PDE8B: variants seen among roughly 807,000 people sequenced by gnomAD.
PDE8B encodes phosphodiesterase 8B, also known as high affinity cAMP-specific and IBMX-insensitive 3',5'-cyclic phosphodiesterase 8B.
Under a neutral mutation model 101.3 loss-of-function variants are expected in PDE8B, and 26 were observed. The ratio of observed to expected loss-of-function variants is 0.26; its 90% confidence interval spans 0.19 to 0.36. The LOEUF (loss-of-function observed/expected upper bound fraction) is 0.36, where lower values mean the gene tolerates loss of function less well. PDE8B is among the 10% of genes least tolerant of loss of function. The probability of loss-of-function intolerance (pLI) is 1.00; values close to 1 mark genes in which losing one functional copy is unlikely to be tolerated. For synonymous variants in PDE8B, 424 were observed against 429.3 expected, an observed-to-expected ratio of 0.99 and a Z score of 0.15; for missense variants, 810 against 1,163.1, an observed-to-expected ratio of 0.70 and a Z score of 4.42.
chr5:77,307,112 G>A (rs55690689), intron 1 of PDE8B, among the ~76,000 whole-genome samples: 6 of 152,094 alleles, frequency 3.9e-5, no homozygotes, highest in African/African-American at 1.4e-4. Flanking sequence ...TGTCCTCTGA[G>A]GATCTGACCC....
chr5:77,102,915 G>GC, the PDE8B span, among the ~76,000 whole-genome samples: 11 of 152,148 alleles, frequency 7.2e-5, no homozygotes, highest in Middle Eastern at 3.2e-3. Flanking sequence ...CAAGATGCCA[G>GC]CACTCACTTG....
the PDE8B span, among the ~76,000 whole-genome samples, chr5:77,157,903 C>G: frequency 2.0e-5 from 3 of 152,224 alleles, no homozygotes; most frequent in Admixed American, 2.0e-4. Flanking sequence ...TCTCTAGTTA[C>G]TGACTGCCCC....
chr5:77,172,547 A>G, the PDE8B span, among the ~76,000 whole-genome samples: 1 of 152,218 alleles, frequency 6.6e-6, no homozygotes, highest in Middle Eastern at 3.2e-3. Context: ...CTCAATCATA[A>G]CTAGTCACTT....
chr5:77,225,031 T>A (rs1752026045), intron 1 of PDE8B, among the ~76,000 whole-genome samples: 1 of 152,192 alleles, frequency 6.6e-6, no homozygotes, highest in African/African-American at 2.4e-5. Context: ...ACATGATGTC[T>A]GGTTGTGTCT....
intron 6 of PDE8B, among the ~76,000 whole-genome samples, chr5:77,343,519 A>C (rs1215354833): frequency 6.6e-6 from 1 of 152,230 alleles, no homozygotes; most frequent in Non-Finnish European, 1.5e-5. Context: ...AAAATGGTGC[A>C]CTTGTATAAG....
chr5:77,304,623 C>T (rs1770751878), intron 1 of PDE8B, among the ~76,000 whole-genome samples: 1 of 152,080 alleles, frequency 6.6e-6, no homozygotes, highest in Admixed American at 6.6e-5. Context: ...TGTGATAAAA[C>T]ATCATGCTGC....
At chr5:77,170,483 G>A in the PDE8B span, among the ~76,000 whole-genome samples, 7 of 152,250 alleles carry the variant, frequency 4.6e-5, no homozygotes, top group East Asian at 3.9e-4. Context: ...GTCAGAGAAG[G>A]TCACAGATAG....
intron 19 of PDE8B, among the ~76,000 whole-genome samples, chr5:77,420,242 A>C (rs1050096668): frequency 1.3e-5 from 2 of 152,144 alleles, no homozygotes; most frequent in Non-Finnish European, 2.9e-5. Context: ...GGAAAACCTC[A>C]AAGTTGGAAG....
At chr5:77,126,553 G>A in the PDE8B span, among the ~76,000 whole-genome samples, 3 of 152,124 alleles carry the variant, frequency 2.0e-5, no homozygotes, top group South Asian at 4.1e-4. Flanking sequence ...AGCCTCCCGA[G>A]TAGCTGGGAC....
the PDE8B span, chr5:77,147,055 A>G: frequency 2.3e-6 from 1 of 438,726 alleles, no homozygotes; most frequent in Non-Finnish European, 4.4e-6. Flanking sequence ...ATTGCCTCAT[A>G]CTGAGCTAAA....
intron 3 of PDE8B, among the ~76,000 whole-genome samples, chr5:77,326,925 G>A (rs1386119253): frequency 6.6e-6 from 1 of 152,134 alleles, no homozygotes; most frequent in South Asian, 2.1e-4. Context: ...TTCAGGCAAA[G>A]GCCCAGTTTA....
At chr5:77,180,801 T>C in the PDE8B span, among the ~76,000 whole-genome samples, 2 of 152,296 alleles carry the variant, frequency 1.3e-5, no homozygotes, top group Admixed American at 1.3e-4. Flanking sequence ...GACCTGTTTC[T>C]CCGTCGGGCC....
At chr5:77,351,672 G>T (rs1781149064) in intron 9 of PDE8B, among the ~76,000 whole-genome samples, 1 of 152,156 alleles carries the variant, frequency 6.6e-6, no homozygotes, top group African/African-American at 2.4e-5. Flanking sequence ...TCTCTCTTTT[G>T]TGGAGAGATA....
intron 17 of PDE8B, among the ~76,000 whole-genome samples, chr5:77,416,918 C>T (rs1460783253): frequency 1.3e-5 from 2 of 152,124 alleles, no homozygotes; most frequent in African/African-American, 4.8e-5. Flanking sequence ...ACAGTGATGT[C>T]GCTTACGTTT....
chr5:77,087,862 C>G, the PDE8B span: 1 of 152,910 alleles, frequency 6.5e-6, no homozygotes, highest in Non-Finnish European at 1.5e-5. Flanking sequence ...CGATTTCAAG[C>G]TACAAACAGT....
the PDE8B span, among the ~76,000 whole-genome samples, chr5:77,182,052 G>A: frequency 1.3e-5 from 2 of 151,996 alleles, no homozygotes; most frequent in African/African-American, 4.8e-5. Context: ...TGGATTGGAG[G>A]CCAGGGAGTT....
At chr5:77,128,049 C>A in the PDE8B span, among the ~76,000 whole-genome samples, 1 of 152,160 alleles carries the variant, frequency 6.6e-6, no homozygotes, top group South Asian at 2.1e-4. Flanking sequence ...TCTAACATGA[C>A]CCTGTCATTT....
intron 1 of PDE8B, among the ~76,000 whole-genome samples, chr5:77,279,839 C>G (rs1561461464): frequency 6.6e-6 from 1 of 152,200 alleles, no homozygotes; most frequent in Admixed American, 6.5e-5. Flanking sequence ...GAGTGACAAT[C>G]TCAGTCTCAT....
intron 1 of PDE8B, among the ~76,000 whole-genome samples, chr5:77,220,969 G>A (rs994932344): frequency 2.6e-5 from 4 of 152,170 alleles, no homozygotes; most frequent in African/African-American, 7.2e-5. Context: ...CTGCTCAACC[G>A]TCCTGTTTTC....
Sources: gnomAD v4.1 joint callset for allele counts (sites outside exome capture counted in the v4.1 genomes callset) on GRCh38, gnomAD v4.1.1 for gene constraint, MANE v1.5 for transcripts, NCBI Gene and HGNC (gene_info 2026-07-23, HGNC 2026-07-21) for gene names.